The following SEMA4C variants were observed in gnomAD, a reference collection of about 807,000 sequenced individuals.
SEMA4C encodes semaphorin-4C.
A neutral mutation model predicts 89.0 loss-of-function variants in SEMA4C; 19 were observed. The observed-to-expected ratio is 0.21, with a 90% CI of 0.15 to 0.31. SEMA4C has a LOEUF of 0.31. SEMA4C is among the 10% of genes least tolerant of loss of function. SEMA4C has a pLI of 1.00. For synonymous variants in SEMA4C, 428 were observed against 472.7 expected, an observed-to-expected ratio of 0.91 and a Z score of 1.23; for missense variants, 811 against 1,107.0, an observed-to-expected ratio of 0.73 and a Z score of 3.79.
chr2:96,870,349 G>A, upstream of SEMA4C: 4 of 980,906 alleles, frequency 4.1e-6, no homozygotes, highest in Non-Finnish European at 4.8e-6. Flanking sequence ...GAGGGACTCC[G>A]GGTATGGCCA....
Position 96,860,910 on chromosome 2 carries a change from C to G in SEMA4C, c.2218G>C (p.Asp740His), listed in dbSNP as rs920544914. Residue 740 changes from aspartate to histidine, a missense_variant, in exon 15 of 15, where the codon GAT becomes CAT. By Grantham distance (81) the Asp-to-His change is moderately conservative. This residue lies in a region of SEMA4C where 248 missense variants were observed against 269.0 expected (regional missense o/e 0.92). Coordinates refer to ENST00000305476, the MANE Select transcript of SEMA4C (RefSeq NM_017789.5). ...LWDPVGYYYSDGSLKIVPGHA... is the reference protein window; with the variant it reads ...LWDPVGYYYSHGSLKIVPGHA... ...CCAGGTACTATCTTAAGGGAGCCAT[C>G]TGAATAGTAGTAACCGACAGGATCC... is the stretch of plus-strand genomic sequence containing the variant. 10 of 1,613,038 alleles carry G rather than the reference C, an allele frequency of 6.2e-6. No individual in the cohort carries two copies. Among genetic ancestry groups the G allele is most frequent in the Non-Finnish European group, 8.5e-6 (10 of 1,180,044 alleles).
rs948633600 is a variant in SEMA4C, at chr2:96,865,273, G to A, written c.565C>T (p.Pro189Ser). The A allele has an allele frequency of 1.2e-6, 2 of 1,614,228 alleles. No individual in the cohort carries two copies. Among genetic ancestry groups the A allele is most frequent in the Non-Finnish European group, 1.7e-6 (2 of 1,180,028 alleles). ...ATLNNFLGTE[P>S]IILRNMGPHH... ...GGCCCCATGTTACGCAGGATAATGG[G>A]TTCCGTGCCCAGGAAGTTGTTGAGT... Residue 189 changes from proline to serine, a missense_variant, in exon 7 of 15, where the codon CCC (proline) becomes TCC (serine). Around this residue, in one of 4 missense-constraint regions of SEMA4C, gnomAD observed 441 missense variants for 664.9 expected, o/e 0.66. Transcript: ENST00000305476.
chr2:96,866,511 AC>A, intron 2 of SEMA4C, 80 bp from the exon 3 acceptor site: 1 of 1,582,674 alleles, frequency 6.3e-7, no homozygotes, highest in African/African-American at 1.3e-5. Context: ...GAGAGCCAGC[AC>A]CCCATGCCAC....
chr2:96,864,325 C>T lies in SEMA4C; in HGVS notation c.1020G>A (p.Val340=), dbSNP rs747959875. 7 of 1,613,922 alleles carry T rather than the reference C, an allele frequency of 4.3e-6. No homozygotes were observed. In the Admixed American group the frequency reaches 8.3e-5, roughly 19 times the overall value. Residue 340 remains valine (V), a synonymous_variant, in exon 10 of 15, where the codon GTG becomes GTA. Coordinates refer to ENST00000305476, the MANE Select transcript of SEMA4C (RefSeq NM_017789.5). The surrounding 1 kb of genome is among the most constrained non-coding windows in gnomAD (Gnocchi z 6.3). ...CEYQLEEIQR[V]FEGPYKEYHE... Reference sequence around the variant, plus strand: ...GGTACTCCTTATAGGGGCCCTCAAACACCCGCTGGATCTCTTCCAACTGGT... The same window carrying T: ...GGTACTCCTTATAGGGGCCCTCAAATACCCGCTGGATCTCTTCCAACTGGT...
Position 96,864,974 on chromosome 2 carries a change from C to T in SEMA4C, c.776G>A (p.Arg259His), listed in dbSNP as rs1219316225. Reference sequence around the variant, plus strand: ...TGTGAGACTCGGTACCTTGCAGACACGGGCCACACGAGCCACCACCTGCTC... The same window carrying T: ...TGTGAGACTCGGTACCTTGCAGACATGGGCCACACGAGCCACCACCTGCTC... ...YAEQVVARVA[R>H]VCKGDMGGAR... The change falls in exon 8 of 15, where the codon CGT becomes CAT. Residue 259 changes from arginine to histidine, a missense_variant. Around this residue, in one of 4 missense-constraint regions of SEMA4C, gnomAD observed 441 missense variants for 664.9 expected, o/e 0.66. Transcript: ENST00000305476. This position sits in a 1 kb window ranked among gnomAD's most constrained non-coding sequence, Gnocchi z 6.3. 2.5e-6 allele frequency: 4 copies of T among 1,575,110 alleles called. No individual in the cohort carries two copies. Among genetic ancestry groups the T allele is most frequent in the Non-Finnish European group, 3.4e-6 (4 of 1,160,992 alleles).
At chr2:96,867,307 G>A (rs914078494) in intron 2 of SEMA4C, among the ~76,000 whole-genome samples, 3 of 152,212 alleles carry the variant, frequency 2.0e-5, no homozygotes, top group Non-Finnish European at 4.4e-5. Context: ...TTTCACACGG[G>A]TGTGTGCACA....
chr2:96,869,711 G>T (rs2080165173), intron 1 of SEMA4C, 165 bp downstream of exon 1: 1 of 984,952 alleles, frequency 1.0e-6, no homozygotes, highest in Non-Finnish European at 1.2e-6. Flanking sequence ...GCAGCCGCGG[G>T]GGTCGCAGGA....
In SEMA4C at chr2:96,865,519, A is replaced by C. The variant is rs1042736556; in HGVS notation, c.439T>G (p.Leu147Val). ...CCATCTTCAAACTCTCCATGCTCCA[A>C]AGTGAAGGTGAGCATGTTCTAAGGA... ...CTYVNMLTFT[L>V]EHGEFEDGKG... Residue 147 changes from leucine (L) to valine (V), a missense_variant, in exon 6 of 15, where the codon TTG becomes GTG. Physicochemically the swap from Leu to Val is conservative, Grantham distance 32 (BLOSUM62 1). Coordinates refer to ENST00000305476, the MANE Select transcript of SEMA4C (RefSeq NM_017789.5). 6.2e-7 allele frequency: 1 copy of C among 1,613,780 alleles called. No homozygotes were observed. The highest frequency in any genetic ancestry group is 8.5e-7 in the Non-Finnish European group (1 of 1,179,904).
intron 1 of SEMA4C, chr2:96,869,554 G>A: frequency 7.1e-6 from 7 of 985,274 alleles, no homozygotes; most frequent in Non-Finnish European, 8.4e-6. Context: ...TTCCATCGGG[G>A]GTGGGAGCGC....
chr2:96,868,876 T>C (rs1224931247), intron 1 of SEMA4C: 41 of 985,138 alleles, frequency 4.2e-5, no homozygotes, highest in Non-Finnish European at 4.7e-5. Flanking sequence ...CCAGGGACCC[T>C]GGCCTGGGCG....
chr2:96,870,605 C>T, upstream of SEMA4C: 6 of 985,506 alleles, frequency 6.1e-6, no homozygotes, highest in Non-Finnish European at 6.0e-6. Context: ...GGTCCCTGCC[C>T]TCAAGTCTGG....
At chr2:96,869,122 G>A in intron 1 of SEMA4C, 1 of 985,332 alleles carries the variant, frequency 1.0e-6, no homozygotes, top group Non-Finnish European at 1.2e-6. Context: ...CCCGGCGCGG[G>A]AGAGCGGGGG....
At chr2:96,865,976 A>C (rs777749276) in intron 3 of SEMA4C, 47 bp from the exon 4 acceptor site, 157 of 1,584,706 alleles carry the variant, frequency 9.9e-5, no homozygotes, top group Middle Eastern at 8.3e-4. Flanking sequence ...GTACGGACTG[A>C]GCACGTGTCA....
At chr2:96,868,708 C>G in intron 1 of SEMA4C, 3 of 982,158 alleles carry the variant, frequency 3.1e-6, no homozygotes, top group Non-Finnish European at 3.6e-6. Flanking sequence ...GAGCTCGGGT[C>G]GAGTCGGGGA....
Position 96,860,917 on chromosome 2 carries a change from G to A in SEMA4C, c.2211C>T (p.Tyr737=), listed in dbSNP as rs763678120. ...DEKLWDPVGY[Y]YSDGSLKIVP... ...CTATCTTAAGGGAGCCATCTGAATA[G>A]TAGTAACCGACAGGATCCCAAAGTT... Residue 737 remains tyrosine, a synonymous_variant, in exon 15 of 15, where the codon TAC becomes TAT. Coordinates refer to ENST00000305476, the MANE Select transcript of SEMA4C (RefSeq NM_017789.5). The A allele has an allele frequency of 1.2e-5, 20 of 1,613,028 alleles. No homozygotes were observed. The highest frequency in any genetic ancestry group is 1.6e-5 in the Non-Finnish European group (19 of 1,180,040).
Position 96,861,502 on chromosome 2 carries a change from G to A in SEMA4C, c.1673-47C>T. 1 of 1,609,422 alleles carries A rather than the reference G, an allele frequency of 6.2e-7. No homozygotes were observed. The highest frequency in any genetic ancestry group is 8.5e-7 in the Non-Finnish European group (1 of 1,176,196). On this transcript the variant is annotated intron_variant, in intron 14 of 14. Transcript: ENST00000305476. The surrounding 1 kb of genome is among the most constrained non-coding windows in gnomAD (Gnocchi z 7.8). The stretch of plus-strand genomic sequence containing the variant: ...AGTGCATGTTAGTGCAGGAAAGCAG[G>A]GCTGGGGAAGAGGAGAACAGAAACT...
chr2:96,869,427 G>A (rs1559038709), intron 1 of SEMA4C: 3 of 985,182 alleles, frequency 3.0e-6, no homozygotes, highest in Non-Finnish European at 3.6e-6. Flanking sequence ...GCTCGGCCCG[G>A]GGGCCTGGCT....
Position 96,865,738 on chromosome 2 carries a change from G to A in SEMA4C, c.348C>T (p.Phe116=). The A allele has an allele frequency of 6.2e-7, 1 of 1,614,166 alleles. No homozygotes were observed. Among genetic ancestry groups the A allele is most frequent in the Non-Finnish European group, 8.5e-7 (1 of 1,180,008 alleles). ...NQTECFNFIR[F]LQPYNASHLY... ...GGTGGGAGGCATTGTAGGGCTGCAG[G>A]AAGCGGATGAAGTTGAAGCACTCGG... Residue 116 remains phenylalanine (F), a synonymous_variant, in exon 5 of 15, where the codon TTC becomes TTT. Transcript: ENST00000305476.
At position 96,861,957 on chromosome 2, in the gene SEMA4C, G is replaced by A. The variant is rs984563507; in HGVS notation, c.1444-63C>T. On this transcript the variant is annotated intron_variant, in intron 12 of 14. Coordinates refer to ENST00000305476, the MANE Select transcript of SEMA4C (RefSeq NM_017789.5). The surrounding 1 kb of genome is among the most constrained non-coding windows in gnomAD (Gnocchi z 7.8). ...GGGCCACACCACGGGAGGGGCGGCC[G>A]GACCAGAACGCAGCATGGGGACAGC... 3.5e-5 allele frequency: 53 copies of A among 1,523,234 alleles called. No homozygotes were observed. Among genetic ancestry groups the A allele is most frequent in the African/African-American group, 4.1e-5 (3 of 73,026 alleles). 94.4% of individuals were successfully genotyped at this position (1,523,234 alleles called of 1,614,324 possible).
Sources: allele counts gnomAD v4.1 joint callset (sites outside exome capture counted in the v4.1 genomes callset), GRCh38; gene constraint gnomAD v4.1.1; regional missense constraint gnomAD v4.1.1; non-coding constraint Gnocchi (gnomAD v3.1); transcripts MANE v1.5; gene names NCBI Gene and HGNC (gene_info 2026-07-23, HGNC 2026-07-21).